TBC1D2B: variants seen among roughly 807,000 people sequenced by gnomAD.
TBC1D2B encodes TBC1 domain family member 2B, also known as TBC1 domain family, member 2B.
TBC1D2B carries 64 observed loss-of-function variants against 100.8 expected under a neutral mutation model. That is an observed-to-expected ratio of 0.64 (90% CI 0.52 to 0.78). The LOEUF is 0.78. TBC1D2B is among the 30% of genes least tolerant of loss of function. The pLI is 0.00. For missense variants in TBC1D2B, 1,052 were observed against 1,218.4 expected (o/e 0.86, Z 2.03); for synonymous variants, 480 against 479.7 (o/e 1.00, Z -0.01).
chr15:78,008,010 C>A (rs1020888913), intron 10 of TBC1D2B, among the ~76,000 whole-genome samples: 3 of 152,186 alleles, frequency 2.0e-5, no homozygotes, highest in Non-Finnish European at 1.5e-5. Flanking sequence ...GCAGGCCAGG[C>A]GGGGGCACAG....
At position 78,009,774 on chromosome 15, in the gene TBC1D2B, A is replaced by C. The variant is rs796149801; in HGVS notation, c.2271-660T>G. Among the ~76,000 whole-genome samples the C allele has an allele frequency of 5.3e-5, 8 of 152,276 alleles. No individual in the cohort carries two copies. In the South Asian group the frequency reaches 6.2e-4, roughly 12 times the overall value. ...CAGATCACGAGGTCAGGAGATTGAG[A>C]CCATCCTGGCTGACACGGTGAAACC... On this transcript the variant is annotated intron_variant, in intron 9 of 12. Transcript: ENST00000300584.
At position 78,077,660 on chromosome 15, in the gene TBC1D2B, G is replaced by A. The variant is rs962712528; in HGVS notation, c.-8C>T. 1.6e-4 allele frequency: 152 copies of A among 974,118 alleles called. No homozygotes were observed. Among genetic ancestry groups the A allele is most frequent in the Non-Finnish European group, 1.8e-4 (146 of 828,242 alleles). The allele number at this position is 974,118 out of a possible 1,614,324, so 60.3% of individuals were successfully genotyped here. On this transcript the variant is annotated 5_prime_UTR_variant, in exon 1 of 13. Transcript: ENST00000300584. ...GGCTCCGGCCCCCGGCATCGCTACC[G>A]CGCGCCAACCGTAGGCGCCCGCGCC...
At chr15:78,007,412 T>G (rs2072096259) in intron 10 of TBC1D2B, among the ~76,000 whole-genome samples, 1 of 152,120 alleles carries the variant, frequency 6.6e-6, no homozygotes, top group Non-Finnish European at 1.5e-5. Context: ...GACACAGATG[T>G]AAGCTTCCAG....
At chr15:78,050,622 T>C (rs1357992133) in intron 2 of TBC1D2B, among the ~76,000 whole-genome samples, 1 of 152,220 alleles carries the variant, frequency 6.6e-6, no homozygotes, top group Non-Finnish European at 1.5e-5. Flanking sequence ...ATTACTCTTT[T>C]ATGTTGAAAC....
In TBC1D2B at chr15:77,998,140, G is replaced by C. The variant is rs1195231027; in HGVS notation, c.*20C>G. 1.5e-5 allele frequency: 23 copies of C among 1,494,500 alleles called. No homozygotes were observed. Among genetic ancestry groups the C allele is most frequent in the Non-Finnish European group, 2.1e-5 (23 of 1,117,232 alleles). The allele number at this position is 1,494,500 out of a possible 1,614,324, so 92.6% of individuals were successfully genotyped here. Reference sequence around the variant, plus strand: ...CACACTTTGGTTGTGAAGGAAGGAAGAGCAGCATCCCGAGCCCACTCAGGT... The same window carrying C: ...CACACTTTGGTTGTGAAGGAAGGAACAGCAGCATCCCGAGCCCACTCAGGT... On this transcript the variant is annotated 3_prime_UTR_variant, in exon 13 of 13. Transcript: ENST00000300584.
chr15:78,051,699 C>A (rs999562497), intron 2 of TBC1D2B, among the ~76,000 whole-genome samples: 1 of 152,172 alleles, frequency 6.6e-6, no homozygotes, highest in African/African-American at 2.4e-5. Context: ...TAAAAACATT[C>A]TTCTTTAATT....
chr15:77,998,337 G>A lies in TBC1D2B; in HGVS notation c.2715C>T (p.Ser905=), dbSNP rs773589219. The A allele has an allele frequency of 3.1e-6, 5 of 1,589,586 alleles. No homozygotes were observed. The highest frequency in any genetic ancestry group is 3.4e-6 in the Non-Finnish European group (4 of 1,168,696). The change falls in exon 13 of 13, where the codon TCC becomes TCT. Residue 905 remains serine (S), a synonymous_variant. Transcript: ENST00000300584. The part of the protein sequence containing the change: ...ILDARKLISI[S]FGDLNPFPLR... ...GGGGGAAAGGGTTCAGGTCCCCAAA[G>A]GAGATACTGATCAGCTTCCTGGCAG...
At chr15:78,036,235 T>A (rs1243830406) in intron 3 of TBC1D2B, among the ~76,000 whole-genome samples, 1 of 152,218 alleles carries the variant, frequency 6.6e-6, no homozygotes, top group African/African-American at 2.4e-5. Context: ...CAGCAATGAT[T>A]GATTTTTCTT....
chr15:78,041,614 A>G (rs1567026605), intron 3 of TBC1D2B, among the ~76,000 whole-genome samples: 1 of 152,252 alleles, frequency 6.6e-6, no homozygotes, highest in African/African-American at 2.4e-5. Flanking sequence ...TAATACAGTA[A>G]TCTATTTTAG....
At chr15:78,077,189 G>A in intron 1 of TBC1D2B, 104 bp downstream of exon 1, 3 of 1,360,826 alleles carry the variant, frequency 2.2e-6, no homozygotes, top group Non-Finnish European at 2.8e-6. Flanking sequence ...CGTGGGCAGG[G>A]GCGAGGAGGC....
Position 78,024,193 on chromosome 15 carries a change from G to C in TBC1D2B, c.1433C>G (p.Pro478Arg), listed in dbSNP as rs776910594. The change falls in exon 6 of 13, where the codon CCT (proline) becomes CGT (arginine). Residue 478 changes from proline to arginine, a missense_variant. Physicochemically the swap from Pro to Arg is moderately radical, Grantham distance 103. Transcript: ENST00000300584. ...TVAPSSPSVVPVARDQLELDR... is the reference protein window; with the variant it reads ...TVAPSSPSVVRVARDQLELDR... ...CAGTTCCAGCTGGTCCCTGGCAACA[G>C]GCACAACCGAAGGGGAGCTGGGCGC... 5 of 1,613,524 alleles carry C rather than the reference G, an allele frequency of 3.1e-6. No individual in the cohort carries two copies. In the African/African-American group the frequency reaches 6.7e-5, roughly 22 times the overall value.
intron 3 of TBC1D2B, among the ~76,000 whole-genome samples, chr15:78,032,428 A>C (rs1166543704): frequency 1.3e-5 from 2 of 151,880 alleles, no homozygotes; most frequent in African/African-American, 2.4e-5. Context: ...ATATATATAT[A>C]TATATCCAGC....
At chr15:78,033,709 G>C (rs754489734) in intron 3 of TBC1D2B, among the ~76,000 whole-genome samples, 5 of 152,172 alleles carry the variant, frequency 3.3e-5, no homozygotes, top group Non-Finnish European at 4.4e-5. Flanking sequence ...TAAGGAAGAG[G>C]AAGAAATGTA....
At chr15:78,051,473 C>T (rs1196635777) in intron 2 of TBC1D2B, among the ~76,000 whole-genome samples, 1 of 152,208 alleles carries the variant, frequency 6.6e-6, no homozygotes, top group Non-Finnish European at 1.5e-5. Flanking sequence ...CACAGGCCCA[C>T]AGGGCTTCTT....
chr15:78,035,517 G>A (rs773164291), intron 3 of TBC1D2B, among the ~76,000 whole-genome samples: 2 of 152,210 alleles, frequency 1.3e-5, no homozygotes, highest in Non-Finnish European at 2.9e-5. Context: ...GCACAGGAGG[G>A]AAGCAGGCTA....
At chr15:78,070,353 G>A (rs772265023) in intron 1 of TBC1D2B, among the ~76,000 whole-genome samples, 3 of 150,752 alleles carry the variant, frequency 2.0e-5, no homozygotes, top group Non-Finnish European at 2.9e-5. Flanking sequence ...CCATAAACCA[G>A]ATCAAGATCC....
intron 9 of TBC1D2B, among the ~76,000 whole-genome samples, chr15:78,011,571 A>C (rs1044871224): frequency 2.0e-5 from 3 of 150,334 alleles, no homozygotes; most frequent in African/African-American, 7.4e-5. Context: ...CCTGGGCTCA[A>C]GCGATCCTCC....
intron 7 of TBC1D2B, 93 bp downstream of exon 7, chr15:78,017,753 TG>T: frequency 1.4e-6 from 1 of 720,734 alleles, no homozygotes; most frequent in Non-Finnish European, 2.3e-6. Flanking sequence ...TCTCCAAGCC[TG>T]GGAGTTGAAC....
chr15:78,060,755 A>T lies in TBC1D2B; in HGVS notation c.361-6568T>A, dbSNP rs148988188. 1.9e-4 allele frequency among the ~76,000 whole-genome samples: 29 copies of T among 152,096 alleles called. No homozygotes were observed. The East Asian group carries it at 5.0e-3, about 26-fold the overall frequency. On this transcript the variant is annotated intron_variant, in intron 1 of 12. Transcript: ENST00000300584. ...AACATGGTGAAACCTCGTCTCTATT[A>T]AAAATACCAAAATTAGCCAGGTGTG...
Sources: gnomAD v4.1 joint callset for allele counts (sites outside exome capture counted in the v4.1 genomes callset) on GRCh38, gnomAD v4.1.1 for gene constraint, MANE v1.5 for transcripts, NCBI Gene and HGNC (gene_info 2026-07-23, HGNC 2026-07-21) for gene names.